DCLK1: variants seen among roughly 807,000 people sequenced by gnomAD.
DCLK1 encodes doublecortin like kinase 1.
In DCLK1, 16 loss-of-function variants were observed where a neutral mutation model predicts 86.2. The observed-to-expected ratio is 0.19, with a 90% CI of 0.13 to 0.28. The LOEUF is 0.28. DCLK1 is among the 10% of genes least tolerant of loss of function. DCLK1 has a pLI of 1.00. For missense variants in DCLK1, 590 were observed against 940.2 expected, an observed-to-expected ratio of 0.63 and a Z score of 4.87; for synonymous variants, 369 against 370.5, an observed-to-expected ratio of 1.00 and a Z score of 0.05.
intron 16 of DCLK1, among the ~76,000 whole-genome samples, chr13:35,792,693 C>T (rs529077559): frequency 1.1e-4 from 17 of 152,288 alleles, no homozygotes; most frequent in East Asian, 5.8e-4. Context: ...CATTATTCCT[C>T]GGCCCAATTT....
chr13:36,068,760 A>T (rs1219644828), intron 3 of DCLK1, among the ~76,000 whole-genome samples: 1 of 152,124 alleles, frequency 6.6e-6, no homozygotes, highest in Non-Finnish European at 1.5e-5. Context: ...GCAGGGGGAA[A>T]ATCCATAATT....
At chr13:35,941,477 A>T (rs556088947) in intron 4 of DCLK1, among the ~76,000 whole-genome samples, 2 of 152,228 alleles carry the variant, frequency 1.3e-5, no homozygotes, top group Admixed American at 6.5e-5. Context: ...CCCAGGAAGA[A>T]CAACACTGGA....
intron 3 of DCLK1, among the ~76,000 whole-genome samples, chr13:36,058,086 G>C (rs1883402133): frequency 6.6e-6 from 1 of 152,198 alleles, no homozygotes; most frequent in African/African-American, 2.4e-5. Flanking sequence ...ATTCAGAGGA[G>C]AGAGGAAACC....
At chr13:35,847,009 C>G (rs185837673) in intron 6 of DCLK1, 393 of 985,228 alleles carry the variant, frequency 4.0e-4, no homozygotes, top group Non-Finnish European at 4.6e-4. Flanking sequence ...ACTTGACAAT[C>G]TGCAACTGTA....
chr13:35,809,571 A>T (rs1217747108), intron 12 of DCLK1, among the ~76,000 whole-genome samples: 1 of 152,156 alleles, frequency 6.6e-6, no homozygotes, highest in Admixed American at 6.5e-5. Flanking sequence ...AAGAGAGAAA[A>T]CAGGTTCAGA....
chr13:36,020,892 G>T (rs1881749647), intron 3 of DCLK1, among the ~76,000 whole-genome samples: 1 of 152,256 alleles, frequency 6.6e-6, no homozygotes, highest in Middle Eastern at 3.4e-3. Context: ...AAGGACACAA[G>T]ACATTAACTT....
At chr13:35,914,798 C>T (rs551159342) in intron 4 of DCLK1, among the ~76,000 whole-genome samples, 3 of 151,740 alleles carry the variant, frequency 2.0e-5, no homozygotes, top group Non-Finnish European at 4.4e-5. Context: ...CACGAAAAGA[C>T]AGAAGTTTTT....
At chr13:36,043,436 T>A (rs1882764595) in intron 3 of DCLK1, among the ~76,000 whole-genome samples, 1 of 151,988 alleles carries the variant, frequency 6.6e-6, no homozygotes, top group East Asian at 1.9e-4. Context: ...GTTCAACATC[T>A]GACTTATACA....
chr13:36,091,635 G>A (rs1884831848), intron 3 of DCLK1, among the ~76,000 whole-genome samples: 1 of 152,144 alleles, frequency 6.6e-6, no homozygotes, highest in African/African-American at 2.4e-5. Flanking sequence ...TTTCAGTCAT[G>A]ACACCCCAGA....
chr13:35,973,527 G>C (rs1258333118), intron 3 of DCLK1, among the ~76,000 whole-genome samples: 1 of 152,182 alleles, frequency 6.6e-6, no homozygotes. Context: ...ATATTACAAT[G>C]ATCTGTTTTC....
chr13:35,966,933 A>C (rs377174302), intron 3 of DCLK1, among the ~76,000 whole-genome samples: 1 of 149,244 alleles, frequency 6.7e-6, no homozygotes, highest in African/African-American at 2.5e-5. Context: ...CACCCCGTCT[A>C]GGAAGTGAGG....
chr13:35,911,927 C>G (rs113973897), intron 4 of DCLK1, among the ~76,000 whole-genome samples: 1,934 of 152,198 alleles, frequency 0.013, 49 homozygotes, highest in African/African-American at 0.044. Flanking sequence ...TGGCCAGGAC[C>G]CTTGGCCCTT....
chr13:35,774,688 A>G lies in DCLK1; in HGVS notation c.2070T>C (p.Leu690=), dbSNP rs1193807929. The G allele has an allele frequency of 6.2e-7, 1 of 1,612,060 alleles. No individual in the cohort carries two copies. The highest frequency in any genetic ancestry group is 2.2e-5 in the East Asian group (1 of 44,824). ...AGVSVIATTA[L]DKERQVFRRR... ...GTCGGAAAACCTGCCTCTCCTTATCAAGAGCGGTGGTCTAGCAGGGGCATA... is the reference window on the plus strand; with the variant it reads ...GTCGGAAAACCTGCCTCTCCTTATCGAGAGCGGTGGTCTAGCAGGGGCATA... Residue 690 remains leucine (L), a synonymous_variant, in exon 17 of 17, where the codon CTT becomes CTC. Transcript: ENST00000360631.
chr13:35,880,545 C>T (rs767629619), intron 4 of DCLK1, among the ~76,000 whole-genome samples: 12 of 152,154 alleles, frequency 7.9e-5, no homozygotes, highest in Non-Finnish European at 1.8e-4. Context: ...TGGGGATTTT[C>T]AACCTTAGTC....
intron 3 of DCLK1, among the ~76,000 whole-genome samples, chr13:36,038,821 T>A (rs1882600241): frequency 6.6e-6 from 1 of 152,208 alleles, no homozygotes; most frequent in African/African-American, 2.4e-5. Flanking sequence ...ATAAGGAAAC[T>A]GAGGTGTAAA....
chr13:36,128,499 G>C (rs1187824351), intron 1 of DCLK1, among the ~76,000 whole-genome samples: 1 of 152,120 alleles, frequency 6.6e-6, no homozygotes, highest in African/African-American at 2.4e-5. Flanking sequence ...CCTTGGACAG[G>C]CCACATAACT....
chr13:36,128,002 G>C (rs780549167), intron 1 of DCLK1, among the ~76,000 whole-genome samples: 2 of 152,160 alleles, frequency 1.3e-5, no homozygotes, highest in Non-Finnish European at 2.9e-5. Flanking sequence ...CACTCCCCAA[G>C]TCCCACCATA....
At chr13:36,025,237 G>A (rs1881983387) in intron 3 of DCLK1, among the ~76,000 whole-genome samples, 1 of 152,108 alleles carries the variant, frequency 6.6e-6, no homozygotes, top group African/African-American at 2.4e-5. Flanking sequence ...CAAAGTGTTG[G>A]AATTACAGGC....
chr13:35,967,768 T>C (rs1021953795), intron 3 of DCLK1, among the ~76,000 whole-genome samples: 5 of 152,040 alleles, frequency 3.3e-5, no homozygotes, highest in African/African-American at 9.7e-5. Context: ...CCCTCCATTA[T>C]TGTCCTATGA....
Sources: allele counts gnomAD v4.1 joint callset (sites outside exome capture counted in the v4.1 genomes callset), GRCh38; gene constraint gnomAD v4.1.1; transcripts MANE v1.5; gene names NCBI Gene and HGNC (gene_info 2026-07-23, HGNC 2026-07-21).